Variants in ZMYND11 observed in about 807,000 individuals in gnomAD.
The protein encoded by ZMYND11 is zinc finger MYND-type containing 11, also known as zinc finger MYND domain-containing protein 11.
ZMYND11 carries 9 observed loss-of-function variants against 84.9 expected under a neutral mutation model. That is an observed-to-expected ratio of 0.11 (90% CI 0.06 to 0.18). The LOEUF (loss-of-function observed/expected upper bound fraction) is 0.18. Among genes scored for constraint, ZMYND11 ranks in the 10% least tolerant of loss-of-function variants. The pLI, the probability that ZMYND11 is intolerant of heterozygous loss-of-function variation, is 1.00. For synonymous variants in ZMYND11, 250 were observed against 244.1 expected, an observed-to-expected ratio of 1.02 and a Z score of -0.23; for missense variants, 409 against 761.0, an observed-to-expected ratio of 0.54 and a Z score of 5.44.
At chr10:147,152 A>T (rs1554755583) in intron 1 of ZMYND11, among the ~76,000 whole-genome samples, 1 of 152,204 alleles carries the variant, frequency 6.6e-6, no homozygotes, top group East Asian at 1.9e-4. Flanking sequence ...TTCTTCTGGA[A>T]GAGTCTTTAG....
chr10:143,023 A>G (rs1348313144), intron 1 of ZMYND11, among the ~76,000 whole-genome samples: 5 of 152,228 alleles, frequency 3.3e-5, no homozygotes, highest in African/African-American at 1.2e-4. Context: ...TTTGGAATTA[A>G]CACCAACACT....
At chr10:158,996 T>TTG (rs1842369586) in intron 1 of ZMYND11, among the ~76,000 whole-genome samples, 1 of 146,958 alleles carries the variant, frequency 6.8e-6, no homozygotes, top group Non-Finnish European at 1.5e-5. Context: ...TTTTTGTTTT[T>TTG]TTTTTTTTTT....
At chr10:247,144 T>A in intron 11 of ZMYND11, 171 bp downstream of exon 11, 1 of 790,038 alleles carries the variant, frequency 1.3e-6, no homozygotes, top group Admixed American at 2.7e-5. Context: ...AATACATAGA[T>A]GTAACAATCA....
At chr10:233,067 T>C (rs1475375225) in intron 4 of ZMYND11, among the ~76,000 whole-genome samples, 1 of 152,148 alleles carries the variant, frequency 6.6e-6, no homozygotes, top group African/African-American at 2.4e-5. Context: ...CATGACGAGG[T>C]CTCTTAGGAA....
At chr10:249,400 G>A (rs760772013) in intron 14 of ZMYND11, 32 of 1,089,982 alleles carry the variant, frequency 2.9e-5, no homozygotes, top group Non-Finnish European at 3.3e-5. Flanking sequence ...AAAGTGGCTG[G>A]CCCTGACTTT....
intron 1 of ZMYND11, among the ~76,000 whole-genome samples, chr10:146,310 C>T (rs1838815695): frequency 6.6e-6 from 1 of 152,102 alleles, no homozygotes; most frequent in Non-Finnish European, 1.5e-5. Flanking sequence ...AATGTGATGC[C>T]TCCAGATTAG....
In ZMYND11 at chr10:242,112, T is replaced by G; in HGVS notation, c.923T>G (p.Val308Gly). Reference protein sequence around the residue: ...VMQKEDNQVDVRFFGHHHQRA... With the variant: ...VMQKEDNQVDGRFFGHHHQRA... ...CAGAAAGAAGACAATCAAGTCGACG[T>G]TCGCTTCTTTGGCCACCACCACCAG... Residue 308 changes from valine (V) to glycine (G), a missense_variant, in exon 10 of 15, where the codon GTT becomes GGT. Val to Gly is a moderately radical substitution (Grantham distance 109, BLOSUM62 -3). Around this residue, in one of 7 missense-constraint regions of ZMYND11, gnomAD observed 59 missense variants for 151.0 expected, o/e 0.39. Transcript: ENST00000381604. The G allele has an allele frequency of 6.2e-7, 1 of 1,614,106 alleles. No homozygotes were observed.
intron 4 of ZMYND11, among the ~76,000 whole-genome samples, chr10:222,454 T>C (rs1004450157): frequency 1.3e-5 from 2 of 152,310 alleles, no homozygotes; most frequent in African/African-American, 4.8e-5. Context: ...AAATAAGTCA[T>C]GTCAGTTCCC....
intron 1 of ZMYND11, among the ~76,000 whole-genome samples, chr10:140,116 CAT>C (rs1837165241): frequency 1.3e-5 from 2 of 152,100 alleles, no homozygotes; most frequent in African/African-American, 2.4e-5. Flanking sequence ...CACACACACA[CAT>C]ACACACGCAG....
chr10:137,472 A>G (rs1335516845), intron 1 of ZMYND11, among the ~76,000 whole-genome samples: 3 of 152,194 alleles, frequency 2.0e-5, no homozygotes, highest in Non-Finnish European at 4.4e-5. Flanking sequence ...CAGAAAGTAA[A>G]TGTTTACTTG....
intron 8 of ZMYND11, among the ~76,000 whole-genome samples, chr10:240,330 CCT>C (rs1398995778): frequency 6.6e-6 from 1 of 152,060 alleles, no homozygotes; most frequent in Non-Finnish European, 1.5e-5. Flanking sequence ...ATGGTGAAAC[CCT>C]GTCTCTACTA....
At chr10:141,531 T>C (rs782807787) in intron 1 of ZMYND11, among the ~76,000 whole-genome samples, 1 of 152,236 alleles carries the variant, frequency 6.6e-6, no homozygotes, top group African/African-American at 2.4e-5. Flanking sequence ...TAAGATTACT[T>C]GCAAAGTCTT....
chr10:133,471 TGA>T (rs1588307872), upstream of ZMYND11, among the ~76,000 whole-genome samples: 2 of 152,176 alleles, frequency 1.3e-5, no homozygotes, highest in Non-Finnish European at 2.9e-5. Context: ...TTAGGTTGAA[TGA>T]GAGATGGTAT....
At chr10:229,891 T>C (rs1948709162) in intron 4 of ZMYND11, among the ~76,000 whole-genome samples, 1 of 152,158 alleles carries the variant, frequency 6.6e-6, no homozygotes, top group African/African-American at 2.4e-5. Flanking sequence ...CTAGACGATA[T>C]TACAGAGTGT....
Position 169,758 on chromosome 10 carries a change from T to C in ZMYND11, c.-19-10236T>C, listed in dbSNP as rs549895495. Among the ~76,000 whole-genome samples, 3 of 152,002 alleles carry C rather than the reference T, an allele frequency of 2.0e-5. No homozygotes were observed. In the South Asian group the frequency reaches 6.2e-4, roughly 32 times the overall value. ...GAACTGAAAAGCAGAGAGAGACAAG[T>C]CTGGGGAAAAAACCAATCGACAACA... On this transcript the variant is annotated intron_variant, in intron 1 of 14. Transcript: ENST00000381604.
At chr10:171,351 A>G (rs1307527319) in intron 1 of ZMYND11, among the ~76,000 whole-genome samples, 3 of 152,196 alleles carry the variant, frequency 2.0e-5, no homozygotes, top group Admixed American at 6.6e-5. Context: ...ACATTATTCA[A>G]TAATAGCAGA....
At chr10:208,828 T>G (rs1362084736) in intron 2 of ZMYND11, among the ~76,000 whole-genome samples, 2 of 152,148 alleles carry the variant, frequency 1.3e-5, no homozygotes, top group Non-Finnish European at 2.9e-5. Context: ...TTGTCACCCT[T>G]ATTTCCTTGA....
intron 4 of ZMYND11, among the ~76,000 whole-genome samples, chr10:222,981 C>T (rs935449967): frequency 4.0e-5 from 6 of 151,536 alleles, no homozygotes; most frequent in African/African-American, 1.2e-4. Flanking sequence ...ATACTTCTTC[C>T]GTCAGAATTC....
intron 1 of ZMYND11, chr10:154,944 TATATTCTATTAATTGGAC>T (rs1207905621): frequency 6.6e-6 from 1 of 152,250 alleles, no homozygotes; most frequent in African/African-American, 2.4e-5. Context: ...GACCGTATTT[TATATTCTATTAATTGGAC>T]ATCTTTTTTT....
Sources: allele counts gnomAD v4.1 joint callset (sites outside exome capture counted in the v4.1 genomes callset), GRCh38; gene constraint gnomAD v4.1.1; regional missense constraint gnomAD v4.1.1; transcripts MANE v1.5; gene names NCBI Gene and HGNC (gene_info 2026-07-23, HGNC 2026-07-21).